Variants in TRPM1 observed in about 807,000 individuals in gnomAD.
The protein encoded by TRPM1 is TRPM1-203 APA Isoform, Intron 10.
Under a neutral mutation model 149.4 loss-of-function variants are expected in TRPM1, and 113 were observed. The ratio of observed to expected loss-of-function variants is 0.76; its 90% CI spans 0.65 to 0.88. TRPM1 has a LOEUF of 0.88. Among genes scored for constraint, TRPM1 ranks in the 40% least tolerant of loss-of-function variants. The probability of loss-of-function intolerance (pLI) is 0.00; values close to 1 mark genes in which losing one functional copy is unlikely to be tolerated. For missense variants in TRPM1, 1,976 were observed against 2,038.7 expected, an observed-to-expected ratio of 0.97 and a Z score of 0.59; for synonymous variants, 741 against 759.5, an observed-to-expected ratio of 0.98 and a Z score of 0.40.
intron 13 of TRPM1, 36 bp downstream of exon 13, chr15:31,049,339 G>T: frequency 6.2e-7 from 1 of 1,613,972 alleles, no homozygotes; most frequent in Non-Finnish European, 8.5e-7. Flanking sequence ...TTAGGTGGCT[G>T]CCTCCCGCTT....
intron 1 of TRPM1, among the ~76,000 whole-genome samples, chr15:31,127,679 A>T (rs2035968051): frequency 6.6e-6 from 1 of 152,092 alleles, no homozygotes; most frequent in South Asian, 2.1e-4. Context: ...CTTGGGTGGG[A>T]CAGGGTGGCG....
intron 25 of TRPM1, among the ~76,000 whole-genome samples, chr15:31,027,418 T>C (rs540767968): frequency 3.3e-5 from 5 of 152,390 alleles, no homozygotes; most frequent in Admixed American, 1.3e-4. Context: ...TGTGTAGCGG[T>C]ATAAGCCATT....
At chr15:31,158,453 CTG>C (rs1443346358) in intron 1 of TRPM1, among the ~76,000 whole-genome samples, 1 of 151,942 alleles carries the variant, frequency 6.6e-6, no homozygotes, top group Non-Finnish European at 1.5e-5. Context: ...CAGTGAAATG[CTG>C]TCTCTACTAA....
chr15:31,113,893 G>A (rs1463346912), intron 1 of TRPM1, among the ~76,000 whole-genome samples: 1 of 152,204 alleles, frequency 6.6e-6, no homozygotes, highest in East Asian at 1.9e-4. Context: ...TGACTTTGCT[G>A]GCTAACGGGT....
intron 1 of TRPM1, among the ~76,000 whole-genome samples, chr15:31,142,238 A>G (rs1379383549): frequency 1.3e-5 from 2 of 152,200 alleles, no homozygotes; most frequent in Non-Finnish European, 2.9e-5. Flanking sequence ...AACTTTTACA[A>G]TGGGGAAGAC....
intron 2 of TRPM1, among the ~76,000 whole-genome samples, chr15:31,078,951 A>G (rs968950239): frequency 6.6e-6 from 1 of 152,206 alleles, no homozygotes; most frequent in Non-Finnish European, 1.5e-5. Context: ...TGTGTCCTCT[A>G]GGACTGAACA....
chr15:31,011,972 A>G (rs2032200653), intron 27 of TRPM1, among the ~76,000 whole-genome samples: 1 of 152,086 alleles, frequency 6.6e-6, no homozygotes, highest in African/African-American at 2.4e-5. Flanking sequence ...CCTAACACCA[A>G]TTATTTTCAA....
At position 31,002,195 on chromosome 15, in the gene TRPM1, G is replaced by C; in HGVS notation, c.4505C>G (p.Ser1502Cys). Residue 1502 changes from serine (S) to cysteine (C), a missense_variant, in exon 28 of 28, where the codon TCT becomes TGT. Ser to Cys is a moderately radical substitution (Grantham distance 112). Coordinates refer to ENST00000256552, the MANE Select transcript of TRPM1 (RefSeq NM_001252024.2). Reference sequence around the variant, plus strand: ...AATGTAAGGAATATCTGTGCTATGAGAGCGCGTGATCTTTTGAACTTGGCA... The same window carrying C: ...AATGTAAGGAATATCTGTGCTATGACAGCGCGTGATCTTTTGAACTTGGCA... Reference protein sequence around the residue: ...WQCQVQKITRSHSTDIPYIVS... With the variant: ...WQCQVQKITRCHSTDIPYIVS... The C allele has an allele frequency of 6.2e-7, 1 of 1,614,224 alleles. No homozygotes were observed.
chr15:31,087,881 T>C (rs866923668), intron 1 of TRPM1, among the ~76,000 whole-genome samples: 1 of 152,302 alleles, frequency 6.6e-6, no homozygotes, highest in African/African-American at 2.4e-5. Flanking sequence ...AGTTTTTCCA[T>C]TTTCTAAGAT....
intron 11 of TRPM1, among the ~76,000 whole-genome samples, chr15:31,054,066 G>A (rs2034019328): frequency 6.6e-6 from 1 of 152,194 alleles, no homozygotes; most frequent in Non-Finnish European, 1.5e-5. Flanking sequence ...AATGGTGGTT[G>A]CCAGTCACAG....
intron 11 of TRPM1, among the ~76,000 whole-genome samples, chr15:31,059,638 C>T (rs950962923): frequency 6.6e-6 from 1 of 152,104 alleles, no homozygotes; most frequent in Non-Finnish European, 1.5e-5. Flanking sequence ...AACTCCTGGC[C>T]TCAAGCAATC....
In TRPM1 at chr15:31,047,913, A is replaced by G; in HGVS notation, c.1599T>C (p.His533=). 6.2e-7 allele frequency: 1 copy of G among 1,614,026 alleles called. No individual in the cohort carries two copies. The highest frequency in any genetic ancestry group is 8.5e-7 in the Non-Finnish European group (1 of 1,179,838). ...NTRLGPPNTL[H]LLVRDVKKSN... is the part of the protein sequence containing the mutation. The stretch of plus-strand genomic sequence containing the variant: ...CCTTTTTCACATCCCTCACCAGCAG[A>G]TGAAGTGTGTTTGGTGGACCCAGTC... Residue 533 remains histidine, a synonymous_variant, in exon 14 of 28, where the codon CAT becomes CAC. Transcript: ENST00000256552.
chr15:31,151,143 G>A (rs916471275), intron 1 of TRPM1, among the ~76,000 whole-genome samples: 1 of 152,040 alleles, frequency 6.6e-6, no homozygotes, highest in Non-Finnish European at 1.5e-5. Context: ...TTTATGTCAG[G>A]CTCCTTAATC....
At position 31,038,184 on chromosome 15, in the gene TRPM1, A is replaced by G. The variant is rs1307665644; in HGVS notation, c.2317-18T>C. 2 of 1,613,630 alleles carry G rather than the reference A, an allele frequency of 1.2e-6. No homozygotes were observed. On this transcript the variant is annotated intron_variant, in intron 18 of 27. Coordinates refer to ENST00000256552, the MANE Select transcript of TRPM1 (RefSeq NM_001252024.2). The stretch of plus-strand genomic sequence containing the variant: ...ATGATAACCTACGGAACATAAATTG[A>G]TTTTTTAAGCTGTGGCAATTCTAGA...
At chr15:31,031,317 T>C in intron 22 of TRPM1, 160 bp from the exon 23 acceptor site, 1 of 734,190 alleles carries the variant, frequency 1.4e-6, no homozygotes, top group South Asian at 1.6e-5. Context: ...GGAAGGCTTT[T>C]TCCTACTCCA....
intron 27 of TRPM1, among the ~76,000 whole-genome samples, chr15:31,011,606 C>T (rs1362020933): frequency 1.3e-5 from 2 of 151,514 alleles, no homozygotes; most frequent in Non-Finnish European, 2.9e-5. Flanking sequence ...TAGTGCTTGC[C>T]CTGGGGATTA....
chr15:31,004,417 C>T (rs1360635903), intron 27 of TRPM1, among the ~76,000 whole-genome samples: 1 of 151,824 alleles, frequency 6.6e-6, no homozygotes, highest in African/African-American at 2.4e-5. Context: ...TCTGTGGCTA[C>T]CTTGCCCCAC....
chr15:31,001,631 C>G lies in TRPM1; in HGVS notation c.*191G>C, dbSNP rs2141097818. ...TCACTTTCATTTGATACTACTGCAA[C>G]TGAAAAAACTAAGCCTACTAACATA... is the stretch of plus-strand genomic sequence containing the variant. On this transcript the variant is annotated 3_prime_UTR_variant, in exon 28 of 28. Transcript: ENST00000256552. The G allele has an allele frequency of 1.6e-6, 1 of 634,340 alleles. No homozygotes were observed. The highest frequency in any genetic ancestry group is 2.7e-5 in the East Asian group (1 of 36,622). 39.3% of individuals were successfully genotyped at this position (634,340 alleles called of 1,614,324 possible). A position where few individuals can be genotyped will look rare whatever the true frequency, so the allele number is the denominator to read the frequency against.
At chr15:31,027,940 C>G (rs1211856867) in intron 25 of TRPM1, among the ~76,000 whole-genome samples, 2 of 152,064 alleles carry the variant, frequency 1.3e-5, no homozygotes, top group Non-Finnish European at 2.9e-5. Context: ...GAAAAAAATG[C>G]TTTACTAGTA....
Sources: gnomAD v4.1 joint callset for allele counts (sites outside exome capture counted in the v4.1 genomes callset) on GRCh38, gnomAD v4.1.1 for gene constraint, MANE v1.5 for transcripts, NCBI Gene and HGNC (gene_info 2026-07-23, HGNC 2026-07-21) for gene names.